The following GMCL1 variants were observed in gnomAD, a reference collection of about 807,000 sequenced individuals.
GMCL1 encodes the protein germ cell-less protein-like 1.
Under a neutral mutation model 75.5 loss-of-function variants are expected in GMCL1, and 54 were observed. The ratio of observed to expected loss-of-function variants is 0.71; its 90% CI spans 0.57 to 0.90. GMCL1 has a LOEUF of 0.90. Among genes scored for constraint, GMCL1 ranks in the 40% least tolerant of loss-of-function variants. The probability of loss-of-function intolerance (pLI) is 0.00; values close to 1 mark genes in which losing one functional copy is unlikely to be tolerated. For synonymous variants in GMCL1, 210 were observed against 209.6 expected, an observed-to-expected ratio of 1.00 and a Z score of -0.02; for missense variants, 537 against 622.7, an observed-to-expected ratio of 0.86 and a Z score of 1.47.
At position 69,872,572 on chromosome 2, in the gene GMCL1, A is replaced by G. The variant is rs141684459; in HGVS notation, c.1452+740A>G. Reference sequence around the variant, plus strand: ...ATCATAGAACATCCTTAGCATTGCAAGTAACCCCGGAAGTGATCATTGTAA... The same window carrying G: ...ATCATAGAACATCCTTAGCATTGCAGGTAACCCCGGAAGTGATCATTGTAA... On this transcript the variant is annotated intron_variant, in intron 13 of 13. Transcript: ENST00000282570. Among the ~76,000 whole-genome samples the G allele has an allele frequency of 5.6e-3, 848 of 152,354 alleles. 6 individuals are homozygous for G. The highest frequency in any genetic ancestry group is 7.2e-3 in the Non-Finnish European group (489 of 68,038).
chr2:69,867,117 T>C (rs1432262646), intron 11 of GMCL1, among the ~76,000 whole-genome samples: 1 of 151,930 alleles, frequency 6.6e-6, no homozygotes, highest in Non-Finnish European at 1.5e-5. Flanking sequence ...GCTAATTTTT[T>C]AAAATTTTTG....
At chr2:69,861,515 A>G (rs1675647138) in intron 10 of GMCL1, among the ~76,000 whole-genome samples, 168 bp downstream of exon 10, 1 of 152,180 alleles carries the variant, frequency 6.6e-6, no homozygotes, top group African/African-American at 2.4e-5. Context: ...AGTCTTATAA[A>G]TGTCTTTCTG....
At chr2:69,862,123 T>G (rs1377090317) in intron 10 of GMCL1, among the ~76,000 whole-genome samples, 2 of 152,222 alleles carry the variant, frequency 1.3e-5, no homozygotes, top group Non-Finnish European at 2.9e-5. Context: ...AAGGAAAGAT[T>G]ATTATAGTGC....
chr2:69,830,218 G>A, intron 1 of GMCL1, 66 bp downstream of exon 1: 1 of 1,495,302 alleles, frequency 6.7e-7, no homozygotes, highest in Non-Finnish European at 8.9e-7. Context: ...CCGAGCCGGC[G>A]CCTCGTGCGC....
chr2:69,852,457 T>A (rs1243189641), intron 8 of GMCL1, among the ~76,000 whole-genome samples: 1 of 152,196 alleles, frequency 6.6e-6, no homozygotes, highest in Admixed American at 6.5e-5. Flanking sequence ...AGTTTTAAAA[T>A]TATAAATAAG....
At chr2:69,874,598 T>A (rs1028298090) in intron 13 of GMCL1, among the ~76,000 whole-genome samples, 16 of 152,116 alleles carry the variant, frequency 1.1e-4, no homozygotes, top group Non-Finnish European at 1.3e-4. Flanking sequence ...TGGGTTTTTT[T>A]ATGCTTATTG....
At chr2:69,855,792 T>G (rs571734772) in intron 9 of GMCL1, among the ~76,000 whole-genome samples, 120 of 152,270 alleles carry the variant, frequency 7.9e-4, no homozygotes, top group Non-Finnish European at 1.3e-3. Context: ...AGTATAGCAG[T>G]TCTATAATAG....
At chr2:69,868,417 ACTT>A (rs531303864) in intron 11 of GMCL1, among the ~76,000 whole-genome samples, 21 of 152,138 alleles carry the variant, frequency 1.4e-4, no homozygotes, top group Non-Finnish European at 2.8e-4. Flanking sequence ...AGCCCTAACT[ACTT>A]CTCTGTATCA....
At position 69,871,749 on chromosome 2, in the gene GMCL1, C is replaced by T. The variant is rs777683421; in HGVS notation, c.1369C>T (p.Arg457Cys). Residue 457 changes from arginine (R) to cysteine (C), a missense_variant, in exon 13 of 14, where the codon CGT (arginine) becomes TGT (cysteine). Around this residue, in one of 3 missense-constraint regions of GMCL1, gnomAD observed 345 missense variants for 410.5 expected, o/e 0.84. Transcript: ENST00000282570. ...QPRRSIAFRLRLASFDSSGKL... is the reference protein window; with the variant it reads ...QPRRSIAFRLCLASFDSSGKL... ...TTATTTTTTTTTTAATCCTAGATTACGTTTGGCTTCTTTTGATAGTAGTGG... is the reference window on the plus strand; with the variant it reads ...TTATTTTTTTTTTAATCCTAGATTATGTTTGGCTTCTTTTGATAGTAGTGG... The T allele has an allele frequency of 1.3e-5, 19 of 1,509,524 alleles. No homozygotes were observed. In the Middle Eastern group the frequency reaches 1.0e-3, roughly 82 times the overall value. 93.5% of individuals were successfully genotyped at this position (1,509,524 alleles called of 1,614,324 possible). A position where few individuals can be genotyped will look rare whatever the true frequency, so the allele number is the denominator to read the frequency against.
intron 4 of GMCL1, among the ~76,000 whole-genome samples, chr2:69,842,075 A>G (rs1270922927): frequency 2.0e-5 from 3 of 152,246 alleles, no homozygotes; most frequent in Non-Finnish European, 4.4e-5. Context: ...ACAATGTGAC[A>G]GATGAATTGA....
intron 2 of GMCL1, among the ~76,000 whole-genome samples, chr2:69,838,486 A>C (rs923547355): frequency 6.6e-6 from 1 of 151,854 alleles, no homozygotes; most frequent in South Asian, 2.1e-4. Context: ...AACAGTTTTT[A>C]TCCTTTGGAA....
chr2:69,834,477 C>G (rs560958961), intron 1 of GMCL1, among the ~76,000 whole-genome samples: 1 of 152,274 alleles, frequency 6.6e-6, no homozygotes, highest in East Asian at 1.9e-4. Flanking sequence ...TAAATTTAGT[C>G]TCTTTTACTT....
chr2:69,865,105 G>A, intron 11 of GMCL1, 130 bp downstream of exon 11: 3 of 609,464 alleles, frequency 4.9e-6, no homozygotes, highest in Non-Finnish European at 5.7e-6. Flanking sequence ...TCTGTAGCAT[G>A]ATCTGCTGGG....
intron 6 of GMCL1, among the ~76,000 whole-genome samples, chr2:69,846,809 A>AT (rs1448127365): frequency 6.6e-6 from 1 of 151,890 alleles, no homozygotes; most frequent in Non-Finnish European, 1.5e-5. Flanking sequence ...TACTTTGACG[A>AT]TATAGCTGTT....
chr2:69,849,034 A>G (rs969673279), intron 7 of GMCL1, among the ~76,000 whole-genome samples: 3 of 152,142 alleles, frequency 2.0e-5, no homozygotes, highest in African/African-American at 7.2e-5. Flanking sequence ...TTAGTATAAA[A>G]TTTCTAATTA....
At chr2:69,878,253 T>C (rs558563389) in intron 13 of GMCL1, among the ~76,000 whole-genome samples, 1 of 152,322 alleles carries the variant, frequency 6.6e-6, no homozygotes, top group East Asian at 1.9e-4. Flanking sequence ...GTGGGAAATG[T>C]CAATAGTAGG....
intron 9 of GMCL1, among the ~76,000 whole-genome samples, chr2:69,859,742 T>TTAAAAAAAAAAAAAAAAAAAAAAAA (rs1553372489): frequency 3.8e-5 from 3 of 79,132 alleles, no homozygotes; most frequent in Non-Finnish European, 4.6e-5. Context: ...TCTCTCTCTC[T>TTAAAAAAAAAAAAAAAAAAAAAAAA]AAAAAAAAAA....
intron 8 of GMCL1, 56 bp from the exon 9 acceptor site, chr2:69,854,767 T>G (rs965589227): frequency 6.7e-7 from 1 of 1,486,768 alleles, no homozygotes; most frequent in Non-Finnish European, 9.2e-7. Context: ...CACAAAAACA[T>G]TTAAGAATAA....
chr2:69,833,717 C>A (rs1416043265), intron 1 of GMCL1, among the ~76,000 whole-genome samples: 4 of 152,174 alleles, frequency 2.6e-5, no homozygotes, highest in African/African-American at 9.7e-5. Flanking sequence ...GTGTGCTCTC[C>A]CACATCAACA....
Sources: gnomAD v4.1 joint callset for allele counts (sites outside exome capture counted in the v4.1 genomes callset) on GRCh38, gnomAD v4.1.1 for gene constraint, gnomAD v4.1.1 regional missense constraint, MANE v1.5 for transcripts, NCBI Gene and HGNC (gene_info 2026-07-23, HGNC 2026-07-21) for gene names.